Variants in MRPS28 observed in about 807,000 individuals in gnomAD.
MRPS28 encodes the protein mitochondrial ribosomal protein S28, also known as small ribosomal subunit protein bS1m.
Under a neutral mutation model 10.8 loss-of-function variants are expected in MRPS28, and 7 were observed. That is an observed-to-expected ratio of 0.65 (90% CI 0.37 to 1.22). The LOEUF is 1.22. Ranked by LOEUF, MRPS28 falls within the 50% of genes most tolerant of loss-of-function variation. MRPS28 has a pLI of 0.02. For missense variants in MRPS28, 265 were observed against 232.9 expected, an observed-to-expected ratio of 1.14 and a Z score of -0.90; for synonymous variants, 121 against 93.3, an observed-to-expected ratio of 1.30 and a Z score of -1.71.
chr8:79,958,540 A>T, intron 2 of MRPS28: 1 of 572,728 alleles, frequency 1.7e-6, no homozygotes, highest in South Asian at 2.3e-5. Flanking sequence ...TTTAAAAGGC[A>T]TTTATTAAGA....
intron 2 of MRPS28, among the ~76,000 whole-genome samples, chr8:79,962,037 A>G (rs1374553996): frequency 3.9e-5 from 6 of 152,144 alleles, no homozygotes; most frequent in African/African-American, 1.4e-4. Context: ...TTATTGGCCC[A>G]CATTTTCTAA....
At chr8:79,974,154 A>G (rs1807718199) in intron 2 of MRPS28, among the ~76,000 whole-genome samples, 1 of 152,216 alleles carries the variant, frequency 6.6e-6, no homozygotes, top group African/African-American at 2.4e-5. Flanking sequence ...TCTCCAGACA[A>G]TGGTGGCTGA....
At chr8:80,021,266 G>T (rs1283973748) in intron 1 of MRPS28, among the ~76,000 whole-genome samples, 4 of 152,158 alleles carry the variant, frequency 2.6e-5, no homozygotes, top group African/African-American at 9.7e-5. Context: ...CTCCCAAAGC[G>T]CTGGGATTAC....
chr8:80,017,500 A>G (rs1283965796), intron 1 of MRPS28, among the ~76,000 whole-genome samples: 2 of 152,208 alleles, frequency 1.3e-5, no homozygotes, highest in African/African-American at 2.4e-5. Flanking sequence ...TGATAACCTA[A>G]ATTAAATGGA....
In MRPS28 at chr8:80,030,165, AC is replaced by A; in HGVS notation, c.83del (p.Gly28ValfsTer2). The A allele has an allele frequency of 6.2e-7, 1 of 1,613,248 alleles. No homozygotes were observed. The highest frequency in any genetic ancestry group is 8.5e-7 in the Non-Finnish European group (1 of 1,180,022). On this transcript the variant is annotated frameshift_variant, in exon 1 of 3. Transcript: ENST00000276585. LOFTEE classifies it high-confidence loss of function. ...TTTCGGATCCACTCTCAGTGCCTAC[AC>A]CCCGAAAGGGCCTGAAGAAGAGAAA... ...RVFLFFRPFR[G>X]VGTESGSESG... is the part of the protein sequence containing the mutation.
At chr8:80,001,225 T>C (rs550711243) in intron 2 of MRPS28, among the ~76,000 whole-genome samples, 13 of 152,190 alleles carry the variant, frequency 8.5e-5, no homozygotes, top group Non-Finnish European at 1.2e-4. Flanking sequence ...AGATGATCAA[T>C]TGTAAGGAGG....
chr8:79,943,345 T>C (rs1212244448), intron 2 of MRPS28, among the ~76,000 whole-genome samples: 1 of 152,254 alleles, frequency 6.6e-6, no homozygotes, highest in East Asian at 1.9e-4. Flanking sequence ...CAGTAATACA[T>C]TATATTTCCA....
At chr8:79,954,495 C>T (rs1424415264) in intron 2 of MRPS28, among the ~76,000 whole-genome samples, 1 of 152,064 alleles carries the variant, frequency 6.6e-6, no homozygotes, top group Non-Finnish European at 1.5e-5. Flanking sequence ...AGAAAGATAC[C>T]CTGGGGCTTT....
intron 2 of MRPS28, among the ~76,000 whole-genome samples, chr8:79,948,620 C>T (rs1312649034): frequency 2.0e-5 from 3 of 152,118 alleles, no homozygotes; most frequent in African/African-American, 7.2e-5. Context: ...TTAAAATGAC[C>T]TCAATCAGCT....
At chr8:79,926,648 G>A (rs1204965453) in intron 2 of MRPS28, among the ~76,000 whole-genome samples, 11 of 152,168 alleles carry the variant, frequency 7.2e-5, no homozygotes, top group African/African-American at 2.7e-4. Context: ...TAAATGACAG[G>A]AGAGCAAAAC....
Position 79,919,146 on chromosome 8 carries a change from T to G in MRPS28, c.398A>C (p.Lys133Thr). ...VCRRPEVDGE[K>T]YQKGTRVRLR... ...CCGGACCCTGGTTCCTTTCTGGTAT[T>G]TCCTAAATAGTTAAAAAAAAAAAAA... Residue 133 changes from lysine to threonine, a missense_variant and splice_region_variant, in exon 3 of 3, where the codon AAA becomes ACA. Transcript: ENST00000276585. 2 of 1,566,984 alleles carry G rather than the reference T, an allele frequency of 1.3e-6. No individual in the cohort carries two copies. Among genetic ancestry groups the G allele is most frequent in the Non-Finnish European group, 1.7e-6 (2 of 1,164,418 alleles).
chr8:80,029,744 C>G (rs2130269278), intron 1 of MRPS28: 1 of 1,463,884 alleles, frequency 6.8e-7, no homozygotes, highest in African/African-American at 1.4e-5. Flanking sequence ...TCCCCAGCAG[C>G]GCTCCCCGCT....
chr8:79,941,638 T>C (rs2129934060), intron 2 of MRPS28, among the ~76,000 whole-genome samples: 1 of 152,348 alleles, frequency 6.6e-6, no homozygotes, highest in Non-Finnish European at 1.5e-5. Context: ...TTCAAGATTT[T>C]ATGTTCAATT....
At chr8:80,018,918 A>G (rs1809277711) in intron 1 of MRPS28, among the ~76,000 whole-genome samples, 1 of 152,222 alleles carries the variant, frequency 6.6e-6, no homozygotes, top group South Asian at 2.1e-4. Context: ...TTTACATGTT[A>G]TTATCTGTGG....
intron 2 of MRPS28, among the ~76,000 whole-genome samples, chr8:79,947,250 T>A (rs945212546): frequency 5.9e-5 from 9 of 152,318 alleles, no homozygotes; most frequent in African/African-American, 1.9e-4. Context: ...GAGAGCTTCA[T>A]GGAAACCAAC....
Position 80,014,663 on chromosome 8 carries a change from G to A in MRPS28, c.214-11483C>T, listed in dbSNP as rs138781621. ...AGATTGTTGTAAGGAATAAATGTGT[G>A]GCCATATGTAAAGCACTCAAATAGT... On this transcript the variant is annotated intron_variant, in intron 1 of 2. Transcript: ENST00000276585. 2.9e-3 allele frequency among the ~76,000 whole-genome samples: 441 copies of A among 152,222 alleles called. 10 individuals carry two copies. The highest frequency in any genetic ancestry group is 0.023 in the Admixed American group (345 of 15,294).
intron 1 of MRPS28, among the ~76,000 whole-genome samples, chr8:80,026,445 A>G (rs1013943695): frequency 6.6e-6 from 1 of 152,128 alleles, no homozygotes; most frequent in Non-Finnish European, 1.5e-5. Context: ...TTGTTTGTGG[A>G]CAGTGACACA....
chr8:79,983,594 T>C (rs911458444), intron 2 of MRPS28, among the ~76,000 whole-genome samples: 14 of 152,172 alleles, frequency 9.2e-5, no homozygotes, highest in Non-Finnish European at 1.8e-4. Flanking sequence ...CTGACAGAGC[T>C]GAAAGCCAAG....
intron 1 of MRPS28, among the ~76,000 whole-genome samples, chr8:80,027,743 T>C (rs553115050): frequency 6.6e-6 from 1 of 152,252 alleles, no homozygotes; most frequent in African/African-American, 2.4e-5. Flanking sequence ...CACAGCCTCC[T>C]GATATCCTCC....
Sources: allele counts gnomAD v4.1 joint callset (sites outside exome capture counted in the v4.1 genomes callset), GRCh38; gene constraint gnomAD v4.1.1; transcripts MANE v1.5; gene names NCBI Gene and HGNC (gene_info 2026-07-23, HGNC 2026-07-21).